The following ROBO2 variants were observed in gnomAD, a reference collection of about 807,000 sequenced individuals.
ROBO2 encodes the protein roundabout guidance receptor 2, also known as roundabout homolog 2.
ROBO2 carries 53 observed loss-of-function variants against 160.8 expected under a neutral mutation model. That is an observed-to-expected ratio of 0.33 (90% confidence interval 0.26 to 0.41). The LOEUF (loss-of-function observed/expected upper bound fraction) is 0.41. Among genes scored for constraint, ROBO2 ranks in the 10% least tolerant of loss-of-function variants. ROBO2 has a pLI of 1.00. For missense variants in ROBO2, 1,577 were observed against 1,722.4 expected, an observed-to-expected ratio of 0.92 and a Z score of 1.49; for synonymous variants, 664 against 611.7, an observed-to-expected ratio of 1.09 and a Z score of -1.26.
chr3:76,176,641 C>A (rs528366517), intron 2 of ROBO2, among the ~76,000 whole-genome samples: 1 of 152,202 alleles, frequency 6.6e-6, no homozygotes, highest in South Asian at 2.1e-4. Flanking sequence ...CCTCAAAACT[C>A]TGTTATCATC....
intron 2 of ROBO2, among the ~76,000 whole-genome samples, chr3:76,358,918 C>T (rs2075338685): frequency 8.3e-6 from 1 of 121,212 alleles, no homozygotes; most frequent in Admixed American, 8.9e-5. Context: ...GCTATCCCTC[C>T]CCCCTCCCCC....
chr3:76,860,836 C>T (rs1194351300), intron 2 of ROBO2, among the ~76,000 whole-genome samples: 1 of 152,114 alleles, frequency 6.6e-6, no homozygotes, highest in Non-Finnish European at 1.5e-5. Context: ...AAACAAGACG[C>T]CTTTTCTCTC....
At chr3:77,167,037 A>G (rs937948597) in intron 2 of ROBO2, among the ~76,000 whole-genome samples, 45 of 152,198 alleles carry the variant, frequency 3.0e-4, no homozygotes, top group African/African-American at 1.1e-3. Flanking sequence ...AAATGGTGAT[A>G]AGTTCATTAT....
intron 2 of ROBO2, among the ~76,000 whole-genome samples, chr3:77,218,448 C>T (rs1180159770): frequency 2.7e-5 from 4 of 150,610 alleles, no homozygotes; most frequent in Admixed American, 2.0e-4. Flanking sequence ...GATCTTGGCT[C>T]ACGCAAACTC....
intron 2 of ROBO2, among the ~76,000 whole-genome samples, chr3:77,271,584 C>T (rs565623552): frequency 1.3e-4 from 20 of 152,256 alleles, no homozygotes; most frequent in African/African-American, 4.1e-4. Flanking sequence ...CTTAGCTATT[C>T]ATTCCCTGCA....
intron 2 of ROBO2, among the ~76,000 whole-genome samples, chr3:76,575,929 G>T (rs923481493): frequency 6.6e-6 from 1 of 151,746 alleles, no homozygotes; most frequent in African/African-American, 2.4e-5. Flanking sequence ...TTAGAGTAAG[G>T]TGCTCTCAAG....
At position 76,160,322 on chromosome 3, in the gene ROBO2, C is replaced by T. The variant is rs567810889; in HGVS notation, c.109+222720C>T. On this transcript the variant is annotated intron_variant, in intron 2 of 26. Coordinates refer to the ROBO2 transcript ENST00000487694. Reference sequence around the variant, plus strand: ...AGCTCTGCTCCTATCTGCAGGTGATCCATCTGGTTTCAATAGTTTTGGCAC... The same window carrying T: ...AGCTCTGCTCCTATCTGCAGGTGATTCATCTGGTTTCAATAGTTTTGGCAC... 5.9e-5 allele frequency among the ~76,000 whole-genome samples: 9 copies of T among 152,224 alleles called. 1 individual carries two copies. In the East Asian group the frequency reaches 1.7e-3, roughly 29 times the overall value.
chr3:76,185,769 C>T (rs185483195), intron 2 of ROBO2, among the ~76,000 whole-genome samples: 93 of 152,060 alleles, frequency 6.1e-4, no homozygotes, highest in African/African-American at 2.2e-3. Flanking sequence ...AAAGTTCACT[C>T]CTGAACATTT....
At chr3:76,092,218 T>C (rs1318351617) in intron 2 of ROBO2, among the ~76,000 whole-genome samples, 1 of 152,160 alleles carries the variant, frequency 6.6e-6, no homozygotes, top group East Asian at 1.9e-4. Flanking sequence ...CTCAATTAGG[T>C]TGTCTGCCTA....
At chr3:77,530,773 T>C (rs1460545299) in intron 6 of ROBO2, among the ~76,000 whole-genome samples, 2 of 152,032 alleles carry the variant, frequency 1.3e-5, no homozygotes, top group Non-Finnish European at 2.9e-5. Flanking sequence ...AAAGGCATTC[T>C]TTATATGAAA....
At chr3:77,233,763 CAATT>C (rs1343414794) in intron 2 of ROBO2, among the ~76,000 whole-genome samples, 1 of 152,036 alleles carries the variant, frequency 6.6e-6, no homozygotes, top group Non-Finnish European at 1.5e-5. Flanking sequence ...AAAATGTGAG[CAATT>C]AATTCTTATT....
chr3:77,531,765 C>G (rs1169335314), intron 6 of ROBO2, among the ~76,000 whole-genome samples: 2 of 152,006 alleles, frequency 1.3e-5, no homozygotes, highest in East Asian at 1.9e-4. Context: ...TTTGGATGCA[C>G]TTTTTGCAAA....
chr3:77,432,544 T>G (rs1032465954), intron 2 of ROBO2, among the ~76,000 whole-genome samples: 1 of 152,108 alleles, frequency 6.6e-6, no homozygotes, highest in Non-Finnish European at 1.5e-5. Context: ...CCAACTCTGG[T>G]TCACCCCCTG....
chr3:77,050,571 T>G (rs1331865038), intron 1 of ROBO2, among the ~76,000 whole-genome samples: 2 of 150,430 alleles, frequency 1.3e-5, no homozygotes, highest in Non-Finnish European at 3.0e-5. Flanking sequence ...TTTGTGTGTT[T>G]TTTTTTTTTG....
At chr3:76,050,979 T>C (rs903498556) in intron 2 of ROBO2, among the ~76,000 whole-genome samples, 2 of 152,234 alleles carry the variant, frequency 1.3e-5, no homozygotes, top group Non-Finnish European at 2.9e-5. Flanking sequence ...CTTGGTGATA[T>C]ATTGATATCC....
intron 19 of ROBO2, among the ~76,000 whole-genome samples, chr3:77,598,988 C>T (rs987428156): frequency 1.3e-5 from 2 of 152,080 alleles, no homozygotes; most frequent in Admixed American, 6.6e-5. Context: ...GCTACCTTAA[C>T]GTCTAAAATA....
At chr3:75,959,295 T>C (rs781052239) in intron 2 of ROBO2, among the ~76,000 whole-genome samples, 4 of 151,748 alleles carry the variant, frequency 2.6e-5, no homozygotes, top group Non-Finnish European at 5.9e-5. Flanking sequence ...ATCTTTACAA[T>C]TAATATATTT....
intron 2 of ROBO2, among the ~76,000 whole-genome samples, chr3:76,130,366 A>G (rs943467275): frequency 2.0e-5 from 3 of 152,200 alleles, no homozygotes; most frequent in Non-Finnish European, 2.9e-5. Flanking sequence ...ATATGATGGC[A>G]TAGTTTTCAG....
At chr3:76,713,363 A>G (rs926855818) in intron 2 of ROBO2, among the ~76,000 whole-genome samples, 7 of 152,192 alleles carry the variant, frequency 4.6e-5, no homozygotes, top group Admixed American at 4.6e-4. Flanking sequence ...TTCCCATACA[A>G]TGATTCCTTT....
Sources: allele counts gnomAD v4.1 joint callset (sites outside exome capture counted in the v4.1 genomes callset), GRCh38; gene constraint gnomAD v4.1.1; transcripts MANE v1.5; gene names NCBI Gene and HGNC (gene_info 2026-07-23, HGNC 2026-07-21).